EHMT1: variants seen among roughly 807,000 people sequenced by gnomAD.
EHMT1 encodes euchromatic histone lysine methyltransferase 1.
Under a neutral mutation model 147.2 loss-of-function variants are expected in EHMT1, and 15 were observed. The observed-to-expected ratio is 0.10, with a 90% CI of 0.07 to 0.16. EHMT1 has a LOEUF of 0.16. Ranked by LOEUF, EHMT1 falls within the 10% of genes least tolerant of loss-of-function variation. The pLI is 1.00. For missense variants in EHMT1, 1,587 were observed against 1,772.4 expected (o/e 0.90, Z 1.88); for synonymous variants, 795 against 709.6 (o/e 1.12, Z -1.91).
intron 15 of EHMT1, among the ~76,000 whole-genome samples, chr9:137,783,868 C>T (rs1219252621): frequency 6.6e-6 from 1 of 152,220 alleles, no homozygotes; most frequent in Non-Finnish European, 1.5e-5. Flanking sequence ...ATTTTTCCCT[C>T]CTTTTATTCT....
At chr9:137,715,101 T>C (rs1229396658) in intron 2 of EHMT1, among the ~76,000 whole-genome samples, 1 of 152,226 alleles carries the variant, frequency 6.6e-6, no homozygotes, top group Non-Finnish European at 1.5e-5. Context: ...GGTTGTACTC[T>C]TGTGTTTTAG....
At position 137,809,362 on chromosome 9, in the gene EHMT1, TG is replaced by T. The variant is rs1290399847; in HGVS notation, c.2713-2094del. On this transcript the variant is annotated intron_variant, in intron 18 of 26. Transcript: ENST00000460843. ...CAGAAGAGCCCGCGTCCTTCTCTCT[TG>T]GGGGTGACCCTGCCTACCTGCAGAG... Among the ~76,000 whole-genome samples the T allele has an allele frequency of 2.0e-5, 3 of 152,182 alleles. 1 individual carries two copies. The East Asian group carries it at 5.8e-4, about 29-fold the overall frequency.
At chr9:137,682,495 T>G (rs1050955579) in intron 1 of EHMT1, among the ~76,000 whole-genome samples, 6 of 152,166 alleles carry the variant, frequency 3.9e-5, no homozygotes, top group Admixed American at 3.3e-4. Context: ...CAGGCTGCTG[T>G]AGCGAGCGTC....
At chr9:137,759,904 G>T (rs1949674078) in intron 9 of EHMT1, among the ~76,000 whole-genome samples, 1 of 152,192 alleles carries the variant, frequency 6.6e-6, no homozygotes, top group African/African-American at 2.4e-5. Flanking sequence ...CGGGTCAGTG[G>T]GGGCAGGTGA....
chr9:137,726,370 C>T (rs770900152), intron 3 of EHMT1, among the ~76,000 whole-genome samples: 13 of 152,214 alleles, frequency 8.5e-5, no homozygotes, highest in Non-Finnish European at 1.3e-4. Context: ...AATGGTACAA[C>T]GTTTGTTCTT....
intron 3 of EHMT1, among the ~76,000 whole-genome samples, chr9:137,721,554 C>T (rs1483929343): frequency 7.4e-6 from 1 of 135,506 alleles, no homozygotes; most frequent in African/African-American, 2.9e-5. Flanking sequence ...CTCTCACCTT[C>T]TCCCACGCCT....
At chr9:137,811,746 G>T in intron 19 of EHMT1, 131 bp downstream of exon 19, 1 of 1,239,284 alleles carries the variant, frequency 8.1e-7, no homozygotes, top group Non-Finnish European at 1.1e-6. Flanking sequence ...TCGTGTGGAA[G>T]TCCATCCTTG....
At chr9:137,778,183 G>T (rs557705669) in intron 13 of EHMT1, 128 bp downstream of exon 13, 3 of 1,256,388 alleles carry the variant, frequency 2.4e-6, no homozygotes, top group African/African-American at 1.5e-5. Flanking sequence ...AGAATAATTC[G>T]TATATTTTCA....
intron 6 of EHMT1, chr9:137,747,478 A>G (rs1413990373): frequency 6.6e-6 from 1 of 152,214 alleles, no homozygotes; most frequent in African/African-American, 2.4e-5. Context: ...AATATGAATC[A>G]AATGCAATGA....
chr9:137,805,220 C>T (rs1358076032), intron 18 of EHMT1, among the ~76,000 whole-genome samples: 14 of 152,126 alleles, frequency 9.2e-5, no homozygotes, highest in South Asian at 4.2e-4. Context: ...GTCTGTCAGT[C>T]GTCCATGTGT....
intron 18 of EHMT1, among the ~76,000 whole-genome samples, chr9:137,808,683 G>T: frequency 7.7e-6 from 1 of 130,270 alleles, no homozygotes; most frequent in African/African-American, 2.7e-5. Flanking sequence ...GGGTGGGGGG[G>T]GCGCGTGGTG....
At chr9:137,686,703 T>G (rs993031059) in intron 1 of EHMT1, among the ~76,000 whole-genome samples, 1 of 149,976 alleles carries the variant, frequency 6.7e-6, no homozygotes, top group African/African-American at 2.5e-5. Flanking sequence ...ATACATGGCA[T>G]GAGGTAGGGG....
chr9:137,810,697 A>G (rs892603477), intron 18 of EHMT1, among the ~76,000 whole-genome samples: 8 of 150,238 alleles, frequency 5.3e-5, no homozygotes, highest in African/African-American at 2.0e-4. Context: ...TTAAAGTAAA[A>G]TTTTTTGTTT....
At chr9:137,657,424 G>A (rs539225156) in intron 1 of EHMT1, among the ~76,000 whole-genome samples, 1 of 152,212 alleles carries the variant, frequency 6.6e-6, no homozygotes. Flanking sequence ...GTTAGGATGA[G>A]AGGGTGGTGG....
rs753109529 is a variant in EHMT1, at chr9:137,834,908, C to T, written c.3852C>T (p.Asp1284=). Residue 1284 remains aspartate, a synonymous_variant, in exon 27 of 27, where the codon GAC becomes GAT. Coordinates refer to ENST00000460843, the MANE Select transcript of EHMT1 (RefSeq NM_024757.5). Reference sequence around the variant, plus strand: ...GCGCGGCCCAGGAGGCCCAGGAGGACGGCTTGCCCGACACCAGCTCCGCGG... The same window carrying T: ...GCGCGGCCCAGGAGGCCCAGGAGGATGGCTTGCCCGACACCAGCTCCGCGG... The part of the protein sequence containing the change: ...QASAAQEAQE[D]GLPDTSSAAA... 17 of 1,592,360 alleles carry T rather than the reference C, an allele frequency of 1.1e-5. 1 individual carries two copies. The South Asian group carries it at 1.8e-4, about 17-fold the overall frequency.
chr9:137,641,224 C>T (rs11137165), intron 1 of EHMT1: 9,779 of 418,550 alleles, frequency 0.023, 199 homozygotes, highest in Admixed American at 0.065. Flanking sequence ...GATGCCTCTT[C>T]CTACTGGCTT....
chr9:137,802,266 A>T lies in EHMT1; in HGVS notation c.2712+1282A>T, dbSNP rs747132283. The T allele has an allele frequency of 5.5e-4, 218 of 398,404 alleles. 3 individuals carry two copies. Among genetic ancestry groups the T allele is most frequent in the Admixed American group, 2.2e-4 (5 of 22,704 alleles). 24.7% of individuals were successfully genotyped at this position (398,404 alleles called of 1,614,324 possible). A position where few individuals can be genotyped will look rare whatever the true frequency, so the allele number is the denominator to read the frequency against. ...GGCATAGACACACTGCAGCCCACAG[A>T]GCTGTGTCCACCGTCACAGAGGGTT... On this transcript the variant is annotated intron_variant, in intron 18 of 26. Transcript: ENST00000460843.
intron 15 of EHMT1, among the ~76,000 whole-genome samples, chr9:137,790,516 G>A (rs1952444909): frequency 6.6e-6 from 1 of 152,136 alleles, no homozygotes; most frequent in South Asian, 2.1e-4. Flanking sequence ...CTGCTGAGGG[G>A]CCCCTCCCTC....
chr9:137,662,995 T>C (rs776625968), intron 1 of EHMT1, among the ~76,000 whole-genome samples: 1 of 151,990 alleles, frequency 6.6e-6, no homozygotes, highest in South Asian at 2.1e-4. Context: ...GGTTTTGCCA[T>C]GTTGGCCAGG....
Sources: gnomAD v4.1 joint callset for allele counts (sites outside exome capture counted in the v4.1 genomes callset) on GRCh38, gnomAD v4.1.1 for gene constraint, MANE v1.5 for transcripts, NCBI Gene and HGNC (gene_info 2026-07-23, HGNC 2026-07-21) for gene names.